The following DECR2 variants were observed in gnomAD, a reference collection of about 807,000 sequenced individuals.
DECR2 encodes the protein 2,4-dienoyl-CoA reductase 2.
Under a neutral mutation model 29.2 loss-of-function variants are expected in DECR2, and 34 were observed. The observed-to-expected ratio is 1.16, with a 90% CI of 0.89 to 1.55. The LOEUF (loss-of-function observed/expected upper bound fraction) is 1.55, where lower values mean the gene tolerates loss of function less well. Ranked by LOEUF, DECR2 falls within the 40% of genes most tolerant of loss-of-function variation. The pLI is 0.00. For synonymous variants in DECR2, 224 were observed against 182.7 expected, an observed-to-expected ratio of 1.23 and a Z score of -1.82; for missense variants, 485 against 425.3, an observed-to-expected ratio of 1.14 and a Z score of -1.23.
At position 410,352 on chromosome 16, in the gene DECR2, T is replaced by C. The variant is rs771190349; in HGVS notation, c.447T>C (p.Tyr149=). 3.1e-6 allele frequency: 5 copies of C among 1,600,168 alleles called. No homozygotes were observed. The highest frequency in any genetic ancestry group is 1.4e-5 in the African/African-American group (1 of 71,040). Residue 149 remains tyrosine (Y), a synonymous_variant, in exon 5 of 9, where the codon TAT becomes TAC. Coordinates refer to ENST00000219481, the MANE Select transcript of DECR2 (RefSeq NM_020664.4). The surrounding 1 kb of genome is among the most constrained non-coding windows in gnomAD (Gnocchi z 4.1). ...SGTFNVSRVL[Y]EKFFRDHGGV... is the part of the protein sequence containing the mutation. ...CCTTCAATGTGTCTCGTGTGCTCTATGAGAAGTTCTTCCGGGTGGGTGCCT... is the reference window on the plus strand; with the variant it reads ...CCTTCAATGTGTCTCGTGTGCTCTACGAGAAGTTCTTCCGGGTGGGTGCCT...
chr16:411,017 T>C lies in DECR2; in HGVS notation c.602T>C (p.Ile201Thr), dbSNP rs775853274. ...GCTGTGGAGTGGGGTCCCCAAAACA[T>C]CCGCGTCAACAGCCTCGCCCCTGGC... ...HLAVEWGPQN[I>T]RVNSLAPGPI... The change falls in exon 7 of 9, where the codon ATC (isoleucine) becomes ACC (threonine). Residue 201 changes from isoleucine (I) to threonine (T), a missense_variant. Transcript: ENST00000219481. 1.9e-6 allele frequency: 3 copies of C among 1,602,436 alleles called. No individual in the cohort carries two copies. The highest frequency in any genetic ancestry group is 2.6e-6 in the Non-Finnish European group (3 of 1,175,212).
intron 1 of DECR2, 63 bp downstream of exon 1, chr16:402,106 C>T: frequency 3.1e-6 from 4 of 1,280,770 alleles, no homozygotes; most frequent in African/African-American, 3.1e-5. Flanking sequence ...GGCGCCGGCG[C>T]CCCCACGTGG....
Position 410,737 on chromosome 16 carries a change from G to T in DECR2, c.509G>T (p.Arg170Leu). Reference protein sequence around the residue: ...IVNITATLGNRGQALQVHAGS... With the variant: ...IVNITATLGNLGQALQVHAGS... ...AACATCACTGCCACCCTGGGGAACCGGGGGCAGGCGCTCCAGGTGCATGCA... is the reference window on the plus strand; with the variant it reads ...AACATCACTGCCACCCTGGGGAACCTGGGGCAGGCGCTCCAGGTGCATGCA... Residue 170 changes from arginine to leucine, a missense_variant, in exon 6 of 9, where the codon CGG becomes CTG. Physicochemically the swap from Arg to Leu is moderately radical, Grantham distance 102. Transcript: ENST00000219481. The surrounding 1 kb of genome is among the most constrained non-coding windows in gnomAD (Gnocchi z 4.1). 6.2e-7 allele frequency: 1 copy of T among 1,607,718 alleles called. No individual in the cohort carries two copies. Among genetic ancestry groups the T allele is most frequent in the Non-Finnish European group, 8.5e-7 (1 of 1,178,656 alleles).
chr16:405,095 C>T (rs2054709240), intron 2 of DECR2, 71 bp downstream of exon 2: 2 of 1,576,736 alleles, frequency 1.3e-6, no homozygotes, highest in South Asian at 1.1e-5. Flanking sequence ...TGCCCGACCC[C>T]TGGAAAGATG....
At chr16:403,468 A>G (rs1176623745) in intron 1 of DECR2, among the ~76,000 whole-genome samples, 1 of 152,140 alleles carries the variant, frequency 6.6e-6, no homozygotes, top group Non-Finnish European at 1.5e-5. Context: ...AAAAAGCCAT[A>G]TTATCCCGAC....
intron 2 of DECR2, among the ~76,000 whole-genome samples, chr16:405,914 G>C (rs1490978525): frequency 6.6e-6 from 1 of 152,226 alleles, no homozygotes; most frequent in African/African-American, 2.4e-5. Flanking sequence ...CCTGGAACCA[G>C]GGTTCATAGA....
chr16:402,876 T>G (rs1404973161), intron 1 of DECR2: 1 of 216,770 alleles, frequency 4.6e-6, no homozygotes, highest in East Asian at 1.9e-4. Flanking sequence ...TCCCAACTAC[T>G]TGGGAGGCTG....
chr16:403,030 A>G, intron 1 of DECR2: 1 of 984,762 alleles, frequency 1.0e-6, no homozygotes, highest in Non-Finnish European at 1.2e-6. Context: ...GGTATTGACA[A>G]TTCTCTCTGA....
chr16:406,572 A>G (rs1854532411), intron 3 of DECR2, 175 bp downstream of exon 3: 4 of 669,702 alleles, frequency 6.0e-6, no homozygotes, highest in Admixed American at 2.5e-5. Flanking sequence ...ATCTCGGCTC[A>G]CTGCAGCCTC....
At chr16:406,421 C>T in intron 3 of DECR2, 24 bp downstream of exon 3, 4 of 1,605,546 alleles carry the variant, frequency 2.5e-6, no homozygotes, top group South Asian at 1.1e-5. Context: ...TCCCATGGTC[C>T]CCTGTTCGGG....
chr16:407,916 GCCCCATCTCC>G (rs2054750758), intron 4 of DECR2, among the ~76,000 whole-genome samples: 15 of 135,156 alleles, frequency 1.1e-4, no homozygotes, highest in African/African-American at 3.1e-4. Flanking sequence ...TCTGTCTCCG[GCCCCATCTCC>G]GGCCCCCTGT....
At chr16:407,067 C>G (rs954846576) in intron 3 of DECR2, 18 of 1,078,594 alleles carry the variant, frequency 1.7e-5, no homozygotes, top group Non-Finnish European at 2.0e-5. Context: ...CTGGGCTCAC[C>G]TGGGTTATTT....
At position 411,037 on chromosome 16, in the gene DECR2, C is replaced by A; in HGVS notation, c.622C>A (p.Pro208Thr). 3 of 1,589,580 alleles carry A rather than the reference C, an allele frequency of 1.9e-6. No homozygotes were observed. The highest frequency in any genetic ancestry group is 4.5e-5 in the East Asian group (2 of 44,158). Residue 208 changes from proline (P) to threonine (T), a missense_variant, in exon 7 of 9, where the codon CCT becomes ACT. Transcript: ENST00000219481. ...PQNIRVNSLAPGPISGTEGLR... is the reference protein window; with the variant it reads ...PQNIRVNSLATGPISGTEGLR... ...AAACATCCGCGTCAACAGCCTCGCC[C>A]CTGGCCCCATCAGTGGCACAGAGGG... is the stretch of plus-strand genomic sequence containing the variant.
intron 4 of DECR2, among the ~76,000 whole-genome samples, chr16:408,779 A>C (rs1029595427): frequency 2.0e-5 from 3 of 151,768 alleles, no homozygotes; most frequent in Non-Finnish European, 4.4e-5. Flanking sequence ...GGCCTCCCAA[A>C]ATGCTGGGAT....
At position 411,466 on chromosome 16, in the gene DECR2, T is replaced by A; in HGVS notation, c.767T>A (p.Leu256Gln). The change falls in exon 8 of 9, where the codon CTG becomes CAG. Residue 256 changes from leucine to glutamine, a missense_variant. Physicochemically the swap from Leu to Gln is moderately radical, Grantham distance 113. Coordinates refer to ENST00000219481, the MANE Select transcript of DECR2 (RefSeq NM_020664.4). ...AHSVLYLASP[L>Q]ASYVTGAVLV... ...AGCGTGCTCTACCTGGCCAGCCCTCTGGCTTCCTACGTGACGGGGGCCGTG... is the reference window on the plus strand; with the variant it reads ...AGCGTGCTCTACCTGGCCAGCCCTCAGGCTTCCTACGTGACGGGGGCCGTG... 1 of 1,613,900 alleles carries A rather than the reference T, an allele frequency of 6.2e-7. No homozygotes were observed. The highest frequency in any genetic ancestry group is 2.2e-5 in the East Asian group (1 of 44,890).
intron 3 of DECR2, chr16:406,752 A>G (rs1225599476): frequency 3.0e-6 from 2 of 665,202 alleles, no homozygotes; most frequent in African/African-American, 2.0e-5. Context: ...CGCCCACCTC[A>G]GCCTCCCAAA....
rs1324625153 is a variant in DECR2, at chr16:403,171, A to T, written c.80+1128A>T. Among the ~76,000 whole-genome samples, 5 of 151,376 alleles carry T rather than the reference A, an allele frequency of 3.3e-5. No homozygotes were observed. The East Asian group carries it at 9.7e-4, about 29-fold the overall frequency. Reference sequence around the variant, plus strand: ...TGCGCCCAAGTGGGACTATAGGCACACAATACCACGCTGGGCTAATTGTAT... The same window carrying T: ...TGCGCCCAAGTGGGACTATAGGCACTCAATACCACGCTGGGCTAATTGTAT... On this transcript the variant is annotated intron_variant, in intron 1 of 8. Coordinates refer to ENST00000219481, the MANE Select transcript of DECR2 (RefSeq NM_020664.4).
chr16:405,608 A>G (rs1383274455), intron 2 of DECR2: 16 of 1,303,972 alleles, frequency 1.2e-5, no homozygotes, highest in Non-Finnish European at 1.5e-5. Flanking sequence ...CAACCCCCGA[A>G]CCAGAAGAGC....
At chr16:405,098 G>C (rs1487088000) in intron 2 of DECR2, 74 bp downstream of exon 2, 60 of 1,570,024 alleles carry the variant, frequency 3.8e-5, no homozygotes, top group Non-Finnish European at 4.7e-5. Flanking sequence ...CCGACCCCTG[G>C]AAAGATGTTG....
Sources: allele counts gnomAD v4.1 joint callset (sites outside exome capture counted in the v4.1 genomes callset), GRCh38; gene constraint gnomAD v4.1.1; non-coding constraint Gnocchi (gnomAD v3.1); transcripts MANE v1.5; gene names NCBI Gene and HGNC (gene_info 2026-07-23, HGNC 2026-07-21).